MAD1L1: variants seen among roughly 807,000 people sequenced by gnomAD.
The protein encoded by MAD1L1 is mitotic spindle assembly checkpoint protein MAD1.
A neutral mutation model predicts 96.9 loss-of-function variants in MAD1L1; 95 were observed. The ratio of observed to expected loss-of-function variants is 0.98; its 90% CI spans 0.83 to 1.16. The LOEUF (loss-of-function observed/expected upper bound fraction) is 1.16. Among genes scored for constraint, MAD1L1 ranks in the 50% most tolerant of loss-of-function variants. The pLI is 0.00. For missense variants in MAD1L1, 1,007 were observed against 954.4 expected (o/e 1.06, Z -0.73); for synonymous variants, 473 against 396.6 (o/e 1.19, Z -2.29).
At chr7:2,079,249 G>A (rs997028943) in intron 11 of MAD1L1, among the ~76,000 whole-genome samples, 9 of 152,354 alleles carry the variant, frequency 5.9e-5, no homozygotes, top group South Asian at 4.1e-4. Context: ...CTGGGACTCC[G>A]AGAGGGCAGG....
chr7:1,920,331 G>A (rs55754118), intron 17 of MAD1L1, among the ~76,000 whole-genome samples: 5,168 of 152,346 alleles, frequency 0.034, 194 homozygotes, highest in Admixed American at 0.099. Context: ...GCCCGGGGCT[G>A]TGTTGTCTGC....
intron 17 of MAD1L1, among the ~76,000 whole-genome samples, chr7:1,919,918 G>A (rs932500196): frequency 1.3e-5 from 2 of 152,256 alleles, no homozygotes; most frequent in East Asian, 1.9e-4. Context: ...AAAGTGCCCA[G>A]GGGTGGCAGG....
chr7:2,014,739 G>C (rs868842197), intron 12 of MAD1L1, 97 bp from the exon 13 acceptor site: 3 of 1,384,260 alleles, frequency 2.2e-6, no homozygotes, highest in Non-Finnish European at 2.9e-6. Context: ...TGGGTCACGC[G>C]GGGGCTCCCT....
chr7:1,986,453 A>G (rs1562585692), intron 14 of MAD1L1, among the ~76,000 whole-genome samples: 1 of 123,386 alleles, frequency 8.1e-6, no homozygotes, highest in Non-Finnish European at 1.8e-5. Flanking sequence ...CGCCTCTCGC[A>G]AGGGCTCACG....
chr7:1,850,513 G>A (rs1011403389), intron 18 of MAD1L1, among the ~76,000 whole-genome samples: 2 of 152,182 alleles, frequency 1.3e-5, no homozygotes, highest in Non-Finnish European at 2.9e-5. Flanking sequence ...GGCTCCAGAC[G>A]GTGGGTCAGG....
intron 12 of MAD1L1, among the ~76,000 whole-genome samples, chr7:2,052,306 T>C (rs888734999): frequency 9.9e-5 from 15 of 152,090 alleles, no homozygotes; most frequent in Admixed American, 8.5e-4. Flanking sequence ...GGCAGCGGCG[T>C]AGTAGGAGCC....
intron 11 of MAD1L1, chr7:2,148,442 G>A (rs1789416123): frequency 6.5e-6 from 1 of 152,884 alleles, no homozygotes; most frequent in Non-Finnish European, 1.5e-5. Context: ...TCCACCTTCT[G>A]GTCAGGGGCA....
chr7:2,222,545 A>G lies in MAD1L1; in HGVS notation c.471+30T>C, dbSNP rs767645535. 4.6e-6 allele frequency: 7 copies of G among 1,523,986 alleles called. No homozygotes were observed. In the Admixed American group the frequency reaches 8.2e-5, roughly 18 times the overall value. The allele number at this position is 1,523,986 out of a possible 1,614,324, so 94.4% of individuals were successfully genotyped here. ...ATGCACTCCCTCTCCTCGGGAAAAC[A>G]GCTCCCTGCGCAGCAGAGGCCCCGC... On this transcript the variant is annotated intron_variant, in intron 5 of 18. Coordinates refer to ENST00000265854, the MANE Select transcript of MAD1L1 (RefSeq NM_001013836.2).
intron 18 of MAD1L1, among the ~76,000 whole-genome samples, chr7:1,872,415 C>T (rs528034203): frequency 5.9e-5 from 9 of 152,308 alleles, no homozygotes; most frequent in Admixed American, 6.5e-5. Flanking sequence ...TCACCCTCTG[C>T]GCTGCGGCTT....
chr7:1,852,168 G>A (rs1784012784), intron 18 of MAD1L1, among the ~76,000 whole-genome samples: 1 of 152,182 alleles, frequency 6.6e-6, no homozygotes, highest in East Asian at 1.9e-4. Context: ...AGTGCTTCCT[G>A]TGGGGACACA....
intron 16 of MAD1L1, among the ~76,000 whole-genome samples, chr7:1,954,636 G>A (rs1403693657): frequency 6.6e-6 from 1 of 152,158 alleles, no homozygotes; most frequent in Non-Finnish European, 1.5e-5. Context: ...AGTTCCACGG[G>A]GTCCGCCCGA....
chr7:1,847,872 G>A (rs1265241600), intron 18 of MAD1L1: 11 of 371,330 alleles, frequency 3.0e-5, no homozygotes, highest in African/African-American at 4.2e-5. Context: ...GGGACAGAGG[G>A]TCCCTGTGAC....
chr7:1,920,184 C>A (rs1788690097), intron 17 of MAD1L1, among the ~76,000 whole-genome samples: 1 of 152,224 alleles, frequency 6.6e-6, no homozygotes, highest in African/African-American at 2.4e-5. Flanking sequence ...CTGCAGCTCT[C>A]GGGACTTGCC....
chr7:2,052,347 G>A (rs1447436918), intron 12 of MAD1L1, among the ~76,000 whole-genome samples: 3 of 152,208 alleles, frequency 2.0e-5, no homozygotes, highest in Admixed American at 1.3e-4. Context: ...GTTGGTAACA[G>A]CCTCAGGAAG....
chr7:2,140,122 C>A (rs1788956441), intron 11 of MAD1L1, among the ~76,000 whole-genome samples: 1 of 152,014 alleles, frequency 6.6e-6, no homozygotes, highest in African/African-American at 2.4e-5. Flanking sequence ...GGCTCAAGAT[C>A]ACCTACACAG....
In MAD1L1 at chr7:2,166,523, C is replaced by A. The variant is rs144265464; in HGVS notation, c.987-17285G>T. On this transcript the variant is annotated intron_variant, in intron 10 of 18. Coordinates refer to ENST00000265854, the MANE Select transcript of MAD1L1 (RefSeq NM_001013836.2). ...CCTTTCAAACAAATGCCATAATTTT[C>A]TCTCCCTGTTTCCTCACTCTTTGGA... 4.1e-3 allele frequency among the ~76,000 whole-genome samples: 625 copies of A among 152,338 alleles called. 8 individuals carry two copies. Among genetic ancestry groups the A allele is most frequent in the African/African-American group, 0.014 (591 of 41,572 alleles).
At chr7:2,000,881 G>A (rs141369708) in intron 14 of MAD1L1, among the ~76,000 whole-genome samples, 7 of 152,304 alleles carry the variant, frequency 4.6e-5, no homozygotes, top group East Asian at 1.9e-4. Flanking sequence ...GCCTCTCTGC[G>A]CCGCTGGGCA....
chr7:2,033,146 C>T (rs948972390), intron 12 of MAD1L1, among the ~76,000 whole-genome samples: 2 of 152,386 alleles, frequency 1.3e-5, no homozygotes, highest in East Asian at 3.9e-4. Context: ...GCCAGCCAGG[C>T]ACCACGTGCC....
At chr7:2,215,567 C>G (rs1317341688) in intron 9 of MAD1L1, among the ~76,000 whole-genome samples, 1 of 152,092 alleles carries the variant, frequency 6.6e-6, no homozygotes, top group Non-Finnish European at 1.5e-5. Flanking sequence ...GCTTGTGGCC[C>G]GTCCTCCATC....
Sources: gnomAD v4.1 joint callset for allele counts (sites outside exome capture counted in the v4.1 genomes callset) on GRCh38, gnomAD v4.1.1 for gene constraint, MANE v1.5 for transcripts, NCBI Gene and HGNC (gene_info 2026-07-23, HGNC 2026-07-21) for gene names.